The following ZNF782 variants were observed in gnomAD, a reference collection of about 807,000 sequenced individuals.
The protein encoded by ZNF782 is zinc finger protein 782.
In ZNF782, 12 loss-of-function variants were observed where a neutral mutation model predicts 13.0. That is an observed-to-expected ratio of 0.92 (90% confidence interval 0.59 to 1.50). The LOEUF (loss-of-function observed/expected upper bound fraction) is 1.50. Ranked by LOEUF, ZNF782 falls within the 40% of genes most tolerant of loss-of-function variation. The pLI is 0.00. For synonymous variants in ZNF782, 284 were observed against 283.0 expected (o/e 1.00, Z -0.04); for missense variants, 770 against 822.9 (o/e 0.94, Z 0.79).
the ZNF782 span, among the ~76,000 whole-genome samples, chr9:96,899,371 A>G: frequency 1.3e-5 from 2 of 152,100 alleles, no homozygotes; most frequent in East Asian, 2.0e-4. Context: ...GACTATTTGT[A>G]TATCTTTAGA....
intron 1 of ZNF782, among the ~76,000 whole-genome samples, chr9:96,869,274 T>G (rs1377089933): frequency 1.3e-5 from 2 of 152,228 alleles, no homozygotes; most frequent in Non-Finnish European, 2.9e-5. Context: ...TAACCATAAT[T>G]CAGAATATTT....
chr9:96,830,132 A>G (rs1850749612), intron 4 of ZNF782, among the ~76,000 whole-genome samples: 1 of 152,242 alleles, frequency 6.6e-6, no homozygotes, highest in African/African-American at 2.4e-5. Flanking sequence ...CCAGAGGTTC[A>G]GGAAAGAGGC....
At chr9:96,910,211 C>T in the ZNF782 span, 4,052 of 756,902 alleles carry the variant, frequency 5.4e-3, 54 homozygotes, top group Non-Finnish European at 6.4e-3. Flanking sequence ...AAATGGGGAG[C>T]AGGAGGCTGA....
At chr9:96,853,474 G>A (rs931183531) in intron 1 of ZNF782, among the ~76,000 whole-genome samples, 1 of 152,160 alleles carries the variant, frequency 6.6e-6, no homozygotes, top group Non-Finnish European at 1.5e-5. Flanking sequence ...CTCTGTTCAA[G>A]GAGCCTGCGA....
At chr9:96,884,095 G>C in the ZNF782 span, among the ~76,000 whole-genome samples, 1 of 152,230 alleles carries the variant, frequency 6.6e-6, no homozygotes, top group Non-Finnish European at 1.5e-5. Flanking sequence ...AGGGAACTCT[G>C]ATTTCCCAAT....
the ZNF782 span, chr9:96,931,785 C>T: frequency 3.1e-6 from 5 of 1,611,708 alleles, no homozygotes; most frequent in Admixed American, 1.7e-5. Flanking sequence ...GTGTTCACGG[C>T]TCTGCCCTTT....
intron 5 of ZNF782, among the ~76,000 whole-genome samples, chr9:96,820,322 A>G (rs1211133185): frequency 2.0e-5 from 3 of 152,198 alleles, no homozygotes; most frequent in Non-Finnish European, 4.4e-5. Context: ...ACACATCACA[A>G]AAGAAATTTA....
intron 4 of ZNF782, among the ~76,000 whole-genome samples, chr9:96,844,176 T>C (rs896658015): frequency 1.3e-5 from 2 of 152,210 alleles, no homozygotes; most frequent in Admixed American, 6.5e-5. Flanking sequence ...TGAAAACATT[T>C]GGCAGTTTCT....
chr9:96,833,188 C>T (rs78385341), intron 4 of ZNF782, among the ~76,000 whole-genome samples: 1,827 of 152,248 alleles, frequency 0.012, 50 homozygotes, highest in African/African-American at 0.041. Context: ...CAATTTCCCT[C>T]GCTATTAACA....
At chr9:96,838,850 G>C (rs1197830181) in intron 4 of ZNF782, among the ~76,000 whole-genome samples, 1 of 151,888 alleles carries the variant, frequency 6.6e-6, no homozygotes, top group East Asian at 1.9e-4. Context: ...CAAGTAGCTG[G>C]AATTACAGGC....
chr9:96,920,234 G>A, the ZNF782 span, among the ~76,000 whole-genome samples: 1 of 149,446 alleles, frequency 6.7e-6, no homozygotes, highest in South Asian at 2.1e-4. Flanking sequence ...TCTAAATGCA[G>A]TGGATAGGTG....
At chr9:96,925,090 C>G in the ZNF782 span, among the ~76,000 whole-genome samples, 1 of 152,194 alleles carries the variant, frequency 6.6e-6, no homozygotes, top group African/African-American at 2.4e-5. Context: ...GGTAACCGCC[C>G]TTTCCGCTCG....
At chr9:96,878,367 A>G (rs1422690521), upstream of ZNF782, among the ~76,000 whole-genome samples, 2 of 152,200 alleles carry the variant, frequency 1.3e-5, no homozygotes, top group Non-Finnish European at 2.9e-5. Flanking sequence ...CTTATTATTT[A>G]AAGTAAATAC....
chr9:96,851,985 T>C lies in ZNF782; in HGVS notation c.-24A>G, dbSNP rs774732621. On this transcript the variant is annotated 5_prime_UTR_variant, in exon 3 of 6. Coordinates refer to ENST00000481138, the MANE Select transcript of ZNF782 (RefSeq NM_001001662.3). ...ATTTTCTGTGGCTCTTGGGAGAGTA[T>C]AGAGAACTGTAAAGCCTCAGCTGGG... 3.3e-5 allele frequency: 53 copies of C among 1,613,302 alleles called. No homozygotes were observed. Among genetic ancestry groups the C allele is most frequent in the Middle Eastern group, 1.6e-4 (1 of 6,080 alleles).
intron 1 of ZNF782, among the ~76,000 whole-genome samples, chr9:96,873,303 T>C (rs1851849742): frequency 6.6e-6 from 1 of 152,230 alleles, no homozygotes; most frequent in Non-Finnish European, 1.5e-5. Flanking sequence ...CTTTGCACCA[T>C]GTAATATGCA....
intron 1 of ZNF782, among the ~76,000 whole-genome samples, chr9:96,871,665 T>C (rs1334106427): frequency 6.6e-6 from 1 of 152,136 alleles, no homozygotes; most frequent in Non-Finnish European, 1.5e-5. Context: ...TGCCTGGAAA[T>C]AGCCATTGCA....
the ZNF782 span, among the ~76,000 whole-genome samples, chr9:96,897,396 C>T: frequency 6.6e-6 from 1 of 152,132 alleles, no homozygotes; most frequent in Non-Finnish European, 1.5e-5. Context: ...TAGGTGAAAT[C>T]CTCTCCCCTG....
intron 1 of ZNF782, among the ~76,000 whole-genome samples, chr9:96,864,784 C>A (rs1168073795): frequency 6.6e-6 from 1 of 150,900 alleles, no homozygotes; most frequent in African/African-American, 2.4e-5. Context: ...GTAATACTAG[C>A]ACTTTGGGAG....
upstream of ZNF782, among the ~76,000 whole-genome samples, chr9:96,877,211 T>C (rs1278080905): frequency 6.6e-6 from 1 of 152,170 alleles, no homozygotes; most frequent in Non-Finnish European, 1.5e-5. Context: ...TAAATTTAAA[T>C]AGTGGCACCT....
Sources: allele counts gnomAD v4.1 joint callset (sites outside exome capture counted in the v4.1 genomes callset), GRCh38; gene constraint gnomAD v4.1.1; transcripts MANE v1.5; gene names NCBI Gene and HGNC (gene_info 2026-07-23, HGNC 2026-07-21).